Variants in PAX5 observed in about 807,000 individuals in gnomAD.
PAX5 encodes paired box protein Pax-5.
Under a neutral mutation model 43.7 loss-of-function variants are expected in PAX5, and 9 were observed. The ratio of observed to expected loss-of-function variants is 0.21; its 90% CI spans 0.12 to 0.36. The LOEUF (loss-of-function observed/expected upper bound fraction) is 0.36, where lower values mean the gene tolerates loss of function less well. PAX5 is among the 10% of genes least tolerant of loss of function. PAX5 has a pLI of 1.00. For missense variants in PAX5, 383 were observed against 532.7 expected (o/e 0.72, Z 2.77); for synonymous variants, 228 against 214.3 (o/e 1.06, Z -0.56).
chr9:37,020,597 T>G, intron 2 of PAX5, 39 bp downstream of exon 2: 1 of 1,603,858 alleles, frequency 6.2e-7, no homozygotes, highest in Non-Finnish European at 8.5e-7. Context: ...TAGGTCTTTA[T>G]TTGAAAGATC....
At chr9:36,909,626 T>C (rs1034963791) in intron 7 of PAX5, among the ~76,000 whole-genome samples, 2 of 152,052 alleles carry the variant, frequency 1.3e-5, no homozygotes, top group African/African-American at 4.8e-5. Context: ...GAAAACCCAA[T>C]GCCCACAGGG....
intron 5 of PAX5, among the ~76,000 whole-genome samples, chr9:36,993,121 C>T (rs1722949227): frequency 6.6e-6 from 1 of 152,188 alleles, no homozygotes; most frequent in Non-Finnish European, 1.5e-5. Context: ...TGTTCCATCA[C>T]AACGGAGTGA....
rs1821625460 is a variant in PAX5, at chr9:36,836,154, C to T, written c.*4406G>A. The T allele has an allele frequency of 4.3e-6, 1 of 233,408 alleles. No individual in the cohort carries two copies. The highest frequency in any genetic ancestry group is 8.5e-6 in the Non-Finnish European group (1 of 118,236). The allele number at this position is 233,408 out of a possible 1,614,324, so 14.5% of individuals were successfully genotyped here. A position where few individuals can be genotyped will look rare whatever the true frequency, so the allele number is the denominator to read the frequency against. On this transcript the variant is annotated 3_prime_UTR_variant, in exon 10 of 10. Coordinates refer to ENST00000358127, the MANE Select transcript of PAX5 (RefSeq NM_016734.3). ...CCTGTGGCCACATCTGAGTCTCTTC[C>T]CTGCACATGTGAAAGGTGCCCAAGC... is the stretch of plus-strand genomic sequence containing the variant.
chr9:36,936,927 T>C (rs1831609882), intron 6 of PAX5, among the ~76,000 whole-genome samples: 1 of 152,022 alleles, frequency 6.6e-6, no homozygotes, highest in South Asian at 2.1e-4. Context: ...AGAAGGAACT[T>C]CCTAACACGT....
rs1554646826 is a variant in PAX5, at chr9:36,848,350, C to CCCCACACACACACACACACA, written c.1013-1422_1013-1421insTGTGTGTGTGTGTGTGTGGG. Among the ~76,000 whole-genome samples the CCCCACACACACACACACACA allele has an allele frequency of 1.2e-4, 16 of 136,462 alleles. 1 individual carries two copies. The highest frequency in any genetic ancestry group is 3.4e-4 in the African/African-American group (12 of 35,162). The allele number at this position is 136,462 out of a possible 152,430, so 89.5% of individuals were successfully genotyped here. A position where few individuals can be genotyped will look rare whatever the true frequency, so the allele number is the denominator to read the frequency against. ...CCTCACAACCACAGGCAGAGCGTGT[C>CCCCACACACACACACACACA]CACACACACACACACACACACACAC... On this transcript the variant is annotated intron_variant, in intron 8 of 9. Coordinates refer to ENST00000358127, the MANE Select transcript of PAX5 (RefSeq NM_016734.3).
chr9:37,023,781 C>T (rs563021109), intron 1 of PAX5, among the ~76,000 whole-genome samples: 4 of 152,128 alleles, frequency 2.6e-5, no homozygotes, highest in African/African-American at 9.7e-5. Context: ...TAAAATTTTT[C>T]CTAGATGCAC....
intron 7 of PAX5, among the ~76,000 whole-genome samples, chr9:36,911,006 C>G (rs1308833798): frequency 6.6e-6 from 1 of 152,098 alleles, no homozygotes; most frequent in Non-Finnish European, 1.5e-5. Flanking sequence ...AATGCCTTTC[C>G]CCGAGCTCCC....
chr9:36,886,917 A>G (rs1826951777), intron 7 of PAX5, among the ~76,000 whole-genome samples: 1 of 152,208 alleles, frequency 6.6e-6, no homozygotes, highest in Non-Finnish European at 1.5e-5. Flanking sequence ...TCCAGGCAGA[A>G]CAGTGAAACT....
chr9:36,864,871 C>CG (rs1824701889), intron 8 of PAX5, among the ~76,000 whole-genome samples: 5 of 152,180 alleles, frequency 3.3e-5, no homozygotes, highest in Non-Finnish European at 7.3e-5. Context: ...GAGACGAGGC[C>CG]AGAGAGGCGC....
intron 7 of PAX5, among the ~76,000 whole-genome samples, chr9:36,883,073 T>C (rs1223621674): frequency 6.6e-6 from 1 of 152,194 alleles, no homozygotes; most frequent in Non-Finnish European, 1.5e-5. Flanking sequence ...CTTGGCTGCC[T>C]GGGATGGATA....
intron 5 of PAX5, among the ~76,000 whole-genome samples, chr9:36,986,440 G>A (rs1268754110): frequency 1.3e-5 from 2 of 151,888 alleles, no homozygotes; most frequent in Non-Finnish European, 2.9e-5. Flanking sequence ...TTGGCTTCCT[G>A]CCGCCAATGT....
intron 6 of PAX5, among the ~76,000 whole-genome samples, chr9:36,957,654 G>A (rs11795002): frequency 0.19 from 28,300 of 152,162 alleles, 2,934 homozygotes; most frequent in African/African-American, 0.24. Context: ...CTCCAGCCAC[G>A]AGCATCCTGT....
At chr9:36,901,472 A>T (rs546144173) in intron 7 of PAX5, among the ~76,000 whole-genome samples, 1 of 152,066 alleles carries the variant, frequency 6.6e-6, no homozygotes, top group Non-Finnish European at 1.5e-5. Context: ...TTTACTGAGC[A>T]CTTTTGATGA....
intron 7 of PAX5, among the ~76,000 whole-genome samples, chr9:36,894,340 C>T (rs1827670834): frequency 6.6e-6 from 1 of 152,148 alleles, no homozygotes; most frequent in African/African-American, 2.4e-5. Flanking sequence ...AGTCTCCCTT[C>T]CTGGGAGATA....
chr9:36,872,817 G>T (rs966851539), intron 8 of PAX5, among the ~76,000 whole-genome samples: 3 of 152,174 alleles, frequency 2.0e-5, no homozygotes, highest in Admixed American at 6.5e-5. Flanking sequence ...CTCCACATCT[G>T]CCTGGGCAGA....
At chr9:36,921,298 TTC>T (rs1830152283) in intron 7 of PAX5, among the ~76,000 whole-genome samples, 1 of 152,186 alleles carries the variant, frequency 6.6e-6, no homozygotes, top group Non-Finnish European at 1.5e-5. Flanking sequence ...AAACCCTCCT[TTC>T]TGCAGAACAC....
chr9:36,921,059 C>T (rs889282980), intron 7 of PAX5, among the ~76,000 whole-genome samples: 7 of 152,160 alleles, frequency 4.6e-5, no homozygotes, highest in South Asian at 2.1e-4. Context: ...GTGATCTGCC[C>T]GCCTCGGCCT....
At chr9:37,029,571 C>A (rs141361567) in intron 1 of PAX5, among the ~76,000 whole-genome samples, 125 of 152,354 alleles carry the variant, frequency 8.2e-4, no homozygotes, top group African/African-American at 2.9e-3. Flanking sequence ...CAGAGAGGGA[C>A]TGGGATGGAA....
chr9:36,919,934 TTCAG>T (rs1830019694), intron 7 of PAX5, among the ~76,000 whole-genome samples: 1 of 151,870 alleles, frequency 6.6e-6, no homozygotes, highest in Admixed American at 6.6e-5. Flanking sequence ...AGAAGTTGAT[TTCAG>T]CCCTCATGGA....
Sources: allele counts gnomAD v4.1 joint callset (sites outside exome capture counted in the v4.1 genomes callset), GRCh38; gene constraint gnomAD v4.1.1; transcripts MANE v1.5; gene names NCBI Gene and HGNC (gene_info 2026-07-23, HGNC 2026-07-21).